ABAT: variants seen among roughly 807,000 people sequenced by gnomAD.
ABAT encodes the protein 4-aminobutyrate aminotransferase, mitochondrial.
Under a neutral mutation model 64.6 loss-of-function variants are expected in ABAT, and 45 were observed. That is an observed-to-expected ratio of 0.70 (90% CI 0.55 to 0.89). The LOEUF is 0.89. Ranked by LOEUF, ABAT falls within the 40% of genes least tolerant of loss-of-function variation. ABAT has a pLI of 0.00. For missense variants in ABAT, 633 were observed against 658.4 expected, an observed-to-expected ratio of 0.96 and a Z score of 0.42; for synonymous variants, 297 against 250.5, an observed-to-expected ratio of 1.19 and a Z score of -1.75.
rs1452993613 is a variant in ABAT, at chr16:8,733,294, C to G, written c.-41-2405C>G. Reference sequence around the variant, plus strand: ...GTGATGGCGGCCGGGAAGAGGTGGTCCTCACTTCCTAGGTGGGATGGCGGC... The same window carrying G: ...GTGATGGCGGCCGGGAAGAGGTGGTGCTCACTTCCTAGGTGGGATGGCGGC... On this transcript the variant is annotated intron_variant, in intron 1 of 15. Coordinates refer to ENST00000268251, the MANE Select transcript of ABAT (RefSeq NM_020686.6). 5.3e-5 allele frequency among the ~76,000 whole-genome samples: 8 copies of G among 150,820 alleles called. No homozygotes were observed. The East Asian group carries it at 1.2e-3, about 22-fold the overall frequency.
At chr16:8,760,803 G>T (rs2059773815) in intron 6 of ABAT, among the ~76,000 whole-genome samples, 1 of 152,210 alleles carries the variant, frequency 6.6e-6, no homozygotes, top group South Asian at 2.1e-4. Context: ...GGCTGCATGT[G>T]GTGGCTCACG....
chr16:8,746,052 A>C lies in ABAT; in HGVS notation c.122A>C (p.Tyr41Ser), dbSNP rs1396682041. Reference sequence around the variant, plus strand: ...GCCAAAGTCGACGTTGAATTTGATTATGATGGGCCTCTGATGAAGACGGAA... The same window carrying C: ...GCCAAAGTCGACGTTGAATTTGATTCTGATGGGCCTCTGATGAAGACGGAA... Reference protein sequence around the residue: ...AAAKVDVEFDYDGPLMKTEVP... With the variant: ...AAAKVDVEFDSDGPLMKTEVP... Residue 41 changes from tyrosine (Y) to serine (S), a missense_variant, in exon 3 of 16, where the codon TAT (tyrosine) becomes TCT (serine). Physicochemically the swap from Tyr to Ser is moderately radical, Grantham distance 144. Transcript: ENST00000268251. 6.2e-7 allele frequency: 1 copy of C among 1,613,846 alleles called. No homozygotes were observed.
intron 6 of ABAT, among the ~76,000 whole-genome samples, chr16:8,762,922 C>T (rs780747481): frequency 1.7e-4 from 26 of 151,994 alleles, no homozygotes; most frequent in African/African-American, 3.6e-4. Context: ...GCCTGGGCAA[C>T]ATGGCGAAAC....
At chr16:8,705,136 G>C (rs1290656890) in intron 1 of ABAT, among the ~76,000 whole-genome samples, 1 of 152,106 alleles carries the variant, frequency 6.6e-6, no homozygotes, top group African/African-American at 2.4e-5. Context: ...ACCTGAGACT[G>C]GGTAATTCAT....
At chr16:8,711,492 G>C (rs1406793316) in intron 1 of ABAT, among the ~76,000 whole-genome samples, 2 of 152,210 alleles carry the variant, frequency 1.3e-5, no homozygotes, top group Non-Finnish European at 1.5e-5. Context: ...AGTAGGCAGT[G>C]GGTCTGTTAA....
intron 2 of ABAT, among the ~76,000 whole-genome samples, chr16:8,739,404 A>T (rs1419736299): frequency 6.6e-6 from 1 of 152,128 alleles, no homozygotes; most frequent in Non-Finnish European, 1.5e-5. Context: ...CTATTTCACA[A>T]ATTTCTTGCA....
intron 11 of ABAT, among the ~76,000 whole-genome samples, chr16:8,770,737 G>T (rs1277820181): frequency 6.6e-6 from 1 of 152,180 alleles, no homozygotes; most frequent in Admixed American, 6.5e-5. Context: ...CACCGTGCGT[G>T]GCCAGGAGTC....
chr16:8,680,109 A>T (rs1412339662), intron 1 of ABAT, among the ~76,000 whole-genome samples: 1 of 152,056 alleles, frequency 6.6e-6, no homozygotes, highest in East Asian at 1.9e-4. Flanking sequence ...CAGCCAGGAA[A>T]ACCATTTCTC....
chr16:8,709,779 T>C (rs1475105137), intron 1 of ABAT, among the ~76,000 whole-genome samples: 1 of 152,018 alleles, frequency 6.6e-6, no homozygotes, highest in African/African-American at 2.4e-5. Context: ...TGTAGGGGCT[T>C]ATCAGGGTAG....
At chr16:8,752,423 G>A (rs1471231204) in intron 5 of ABAT, among the ~76,000 whole-genome samples, 1 of 152,144 alleles carries the variant, frequency 6.6e-6, no homozygotes, top group Non-Finnish European at 1.5e-5. Flanking sequence ...GCCACTGTGT[G>A]CATGAAGGTC....
intron 1 of ABAT, among the ~76,000 whole-genome samples, chr16:8,732,228 T>G (rs2058747209): frequency 6.9e-6 from 1 of 145,792 alleles, no homozygotes; most frequent in Non-Finnish European, 1.5e-5. Context: ...TTTTTTTAAT[T>G]TATTTATTTT....
chr16:8,705,256 G>A (rs1390327422), intron 1 of ABAT, among the ~76,000 whole-genome samples: 7 of 152,076 alleles, frequency 4.6e-5, no homozygotes, highest in Non-Finnish European at 1.0e-4. Flanking sequence ...TCACAAGGTG[G>A]CAGGAGAGAG....
intron 1 of ABAT, among the ~76,000 whole-genome samples, chr16:8,711,740 A>ATGATGAT (rs1259699614): frequency 3.9e-5 from 3 of 77,108 alleles, no homozygotes; most frequent in African/African-American, 1.7e-4. Flanking sequence ...GGATGGGTGG[A>ATGATGAT]TGGATGGGTG....
intron 14 of ABAT, among the ~76,000 whole-genome samples, chr16:8,779,125 C>G (rs753909735): frequency 5.9e-5 from 9 of 152,220 alleles, no homozygotes; most frequent in Non-Finnish European, 1.2e-4. Flanking sequence ...GTGCTAAAGT[C>G]TCACCACGGC....
chr16:8,756,316 G>T (rs1217081538), intron 5 of ABAT, among the ~76,000 whole-genome samples: 10 of 152,168 alleles, frequency 6.6e-5, no homozygotes, highest in Admixed American at 6.6e-4. Flanking sequence ...AGCCCTAGAA[G>T]ATTACAACAA....
At chr16:8,756,597 T>A (rs781403614) in intron 5 of ABAT, among the ~76,000 whole-genome samples, 1 of 152,216 alleles carries the variant, frequency 6.6e-6, no homozygotes, top group Admixed American at 6.5e-5. Flanking sequence ...CTGCTTCTTC[T>A]AGAGAGATAC....
chr16:8,772,452 A>G (rs2060140869), intron 11 of ABAT, among the ~76,000 whole-genome samples: 1 of 152,150 alleles, frequency 6.6e-6, no homozygotes, highest in Non-Finnish European at 1.5e-5. Context: ...ATAGTGCTAT[A>G]TTTTCTCATT....
Position 8,772,905 on chromosome 16 carries a change from C to T in ABAT, c.942C>T (p.Asp314=). The T allele has an allele frequency of 1.2e-6, 2 of 1,613,818 alleles. No individual in the cohort carries two copies. The change falls in exon 12 of 16, where the codon GAC becomes GAT. Residue 314 remains aspartate (D), a synonymous_variant. Transcript: ENST00000268251. ...ATGACTTCTTTCGGAAGCTGAGAGA[C>T]ATCGCCAGGAAGGTCAGTGGACAGG... The part of the protein sequence containing the change: ...ASDDFFRKLR[D]IARKHGCAFL...
At position 8,769,043 on chromosome 16, in the gene ABAT, G is replaced by A. The variant is rs962364614; in HGVS notation, c.816+70G>A. On this transcript the variant is annotated intron_variant, in intron 11 of 15. Coordinates refer to ENST00000268251, the MANE Select transcript of ABAT (RefSeq NM_020686.6). ...TGCTCTTGCCGCCCCAAGACTTGGG[G>A]AGAAGAGAAACAGATGAAGGGTTTA... 2.0e-5 allele frequency: 32 copies of A among 1,603,768 alleles called. 1 individual carries two copies. The highest frequency in any genetic ancestry group is 2.7e-5 in the African/African-American group (2 of 74,722).
Sources: gnomAD v4.1 joint callset for allele counts (sites outside exome capture counted in the v4.1 genomes callset) on GRCh38, gnomAD v4.1.1 for gene constraint, MANE v1.5 for transcripts, NCBI Gene and HGNC (gene_info 2026-07-23, HGNC 2026-07-21) for gene names.